Variants in APBA2 observed in about 807,000 individuals in gnomAD.
The protein encoded by APBA2 is amyloid beta precursor protein binding family A member 2.
A neutral mutation model predicts 75.0 loss-of-function variants in APBA2; 30 were observed. The ratio of observed to expected loss-of-function variants is 0.40; its 90% CI spans 0.30 to 0.54. The LOEUF (loss-of-function observed/expected upper bound fraction) is 0.54. Ranked by LOEUF, APBA2 falls within the 20% of genes least tolerant of loss-of-function variation. The pLI is 0.49. For synonymous variants in APBA2, 444 were observed against 409.6 expected (o/e 1.08, Z -1.01); for missense variants, 801 against 1,016.1 (o/e 0.79, Z 2.88).
intron 2 of APBA2, among the ~76,000 whole-genome samples, chr15:28,979,357 A>T (rs2037505026): frequency 6.6e-6 from 1 of 152,124 alleles, no homozygotes. Context: ...TGTCTGCTGG[A>T]ATTTGCTTCG....
intron 6 of APBA2, among the ~76,000 whole-genome samples, chr15:29,078,124 G>C (rs1014671060): frequency 2.0e-5 from 3 of 151,736 alleles, no homozygotes; most frequent in African/African-American, 4.8e-5. Flanking sequence ...GTGAAACCCC[G>C]TCTGTACTAA....
At chr15:29,075,995 C>T in intron 5 of APBA2, 60 bp from the exon 6 acceptor site, 1 of 1,510,360 alleles carries the variant, frequency 6.6e-7, no homozygotes. Flanking sequence ...TTAGCCTTCA[C>T]CTTGTGGGCT....
intron 2 of APBA2, among the ~76,000 whole-genome samples, chr15:28,936,366 G>C (rs1268144259): frequency 6.6e-6 from 1 of 152,208 alleles, no homozygotes; most frequent in Non-Finnish European, 1.5e-5. Context: ...ACAAAGTCAT[G>C]GGCAGGAAAA....
At chr15:28,987,628 G>A (rs1466497365) in intron 2 of APBA2, among the ~76,000 whole-genome samples, 1 of 150,908 alleles carries the variant, frequency 6.6e-6, no homozygotes, top group Non-Finnish European at 1.5e-5. Context: ...TTCTGCTTAT[G>A]TCTGTTCACT....
At chr15:29,035,667 T>C (rs2040709138) in intron 3 of APBA2, among the ~76,000 whole-genome samples, 1 of 152,136 alleles carries the variant, frequency 6.6e-6, no homozygotes, top group African/African-American at 2.4e-5. Flanking sequence ...AAGAAATCGA[T>C]GTGGTGTTCC....
At chr15:29,065,880 G>T (rs1192527678) in intron 4 of APBA2, among the ~76,000 whole-genome samples, 1 of 152,206 alleles carries the variant, frequency 6.6e-6, no homozygotes, top group African/African-American at 2.4e-5. Context: ...CGGGTGGCCT[G>T]CCTGGTCTGC....
At chr15:28,894,105 G>T (rs1300563098) in intron 1 of APBA2, 1 of 152,160 alleles carries the variant, frequency 6.6e-6, no homozygotes, top group Admixed American at 6.5e-5. Flanking sequence ...GGAAACAAAG[G>T]GGTGCGGGAC....
In APBA2 at chr15:28,886,181, C is replaced by T. The variant is rs1474956162; in HGVS notation, c.-302C>T. 6.6e-6 allele frequency: 1 copy of T among 150,794 alleles called. No individual in the cohort carries two copies. Among genetic ancestry groups the T allele is most frequent in the Non-Finnish European group, 1.5e-5 (1 of 67,558 alleles). The allele number at this position is 150,794 out of a possible 1,614,324, so 9.3% of individuals were successfully genotyped here. ...GCTCATTAGCAGTCGCGGTGTGCGG[C>T]TCGGCGCGGGCTCACAAAGAGCTCG... On this transcript the variant is annotated 5_prime_UTR_variant, in exon 1 of 15. Coordinates refer to ENST00000683413, the MANE Select transcript of APBA2 (RefSeq NM_001353788.2).
At chr15:28,989,002 G>C (rs575619841) in intron 2 of APBA2, among the ~76,000 whole-genome samples, 183 of 152,252 alleles carry the variant, frequency 1.2e-3, no homozygotes, top group South Asian at 7.1e-3. Flanking sequence ...TGAAAGTGCT[G>C]TCTACATGAG....
intron 14 of APBA2, among the ~76,000 whole-genome samples, chr15:29,114,487 C>T (rs992784220): frequency 6.6e-6 from 1 of 152,156 alleles, no homozygotes. Flanking sequence ...CTCCAGAGCT[C>T]ACAAGGAGGC....
chr15:28,889,394 G>A (rs1040592267), intron 1 of APBA2, among the ~76,000 whole-genome samples: 1 of 152,222 alleles, frequency 6.6e-6, no homozygotes, highest in African/African-American at 2.4e-5. Flanking sequence ...GTTGGGGGCT[G>A]TGGGGTACTC....
intron 2 of APBA2, among the ~76,000 whole-genome samples, chr15:28,931,262 A>G (rs900327522): frequency 2.6e-5 from 4 of 152,170 alleles, no homozygotes; most frequent in East Asian, 1.9e-4. Flanking sequence ...GACAGCTTAC[A>G]TGAACATCTC....
chr15:29,056,254 A>G (rs4779486), intron 4 of APBA2, among the ~76,000 whole-genome samples: 57,776 of 152,076 alleles, frequency 0.38, 16,555 homozygotes, highest in African/African-American at 0.81. Context: ...AGATCTTGCG[A>G]TTGGAGAGCT....
At position 28,903,978 on chromosome 15, in the gene APBA2, A is replaced by G. The variant is rs377222634; in HGVS notation, c.-204-17662A>G. 1.8e-3 allele frequency among the ~76,000 whole-genome samples: 272 copies of G among 152,368 alleles called. 1 individual carries two copies. The highest frequency in any genetic ancestry group is 6.2e-3 in the African/African-American group (259 of 41,586). On this transcript the variant is annotated intron_variant, in intron 1 of 14. Coordinates refer to ENST00000683413, the MANE Select transcript of APBA2 (RefSeq NM_001353788.2). ...TTTTGTGACAAAATTAGGTTGAACC[A>G]TATGAAACTGTTATTTCTGTATGTC...
chr15:29,080,959 GC>G (rs137871598), intron 6 of APBA2, among the ~76,000 whole-genome samples: 1,561 of 152,310 alleles, frequency 0.01, 31 homozygotes, highest in African/African-American at 0.036. Context: ...CCAAAATGCT[GC>G]CAGGCCTTAG....
intron 1 of APBA2, among the ~76,000 whole-genome samples, chr15:28,906,548 TG>T (rs2033144479): frequency 6.6e-6 from 1 of 152,208 alleles, no homozygotes; most frequent in Admixed American, 6.5e-5. Flanking sequence ...GCATTCAGAG[TG>T]TCAACAGATA....
At chr15:28,897,309 G>A (rs2032556786) in intron 1 of APBA2, among the ~76,000 whole-genome samples, 1 of 151,830 alleles carries the variant, frequency 6.6e-6, no homozygotes. Context: ...CCACCAGAAT[G>A]GCTAACATCA....
intron 3 of APBA2, among the ~76,000 whole-genome samples, chr15:29,012,337 A>G (rs1182342827): frequency 1.3e-5 from 2 of 152,170 alleles, no homozygotes; most frequent in Non-Finnish European, 2.9e-5. Flanking sequence ...ATTCTATAGA[A>G]TATCTTTAAA....
chr15:29,001,634 C>T (rs1320621378), intron 3 of APBA2, among the ~76,000 whole-genome samples: 1 of 152,188 alleles, frequency 6.6e-6, no homozygotes, highest in Non-Finnish European at 1.5e-5. Flanking sequence ...TGAGTTTTCC[C>T]ATCTTGCTGG....
Sources: gnomAD v4.1 joint callset for allele counts (sites outside exome capture counted in the v4.1 genomes callset) on GRCh38, gnomAD v4.1.1 for gene constraint, MANE v1.5 for transcripts, NCBI Gene and HGNC (gene_info 2026-07-23, HGNC 2026-07-21) for gene names.